The following MRTFB variants were observed in gnomAD, a reference collection of about 807,000 sequenced individuals.
MRTFB encodes myocardin-related transcription factor B.
In MRTFB, 29 loss-of-function variants were observed where a neutral mutation model predicts 104.2. That is an observed-to-expected ratio of 0.28 (90% CI 0.21 to 0.38). The LOEUF (loss-of-function observed/expected upper bound fraction) is 0.38. Among genes scored for constraint, MRTFB ranks in the 10% least tolerant of loss-of-function variants. MRTFB has a pLI of 1.00. For synonymous variants in MRTFB, 535 were observed against 519.5 expected (o/e 1.03, Z -0.41); for missense variants, 1,270 against 1,341.6 (o/e 0.95, Z 0.83).
chr16:14,232,677 G>T (rs192865226), intron 8 of MRTFB, among the ~76,000 whole-genome samples: 1 of 152,164 alleles, frequency 6.6e-6, no homozygotes. Context: ...TTGCACACTC[G>T]CACACCCACG....
At chr16:14,244,635 A>C (rs1054989785) in intron 10 of MRTFB, among the ~76,000 whole-genome samples, 3 of 152,128 alleles carry the variant, frequency 2.0e-5, no homozygotes, top group African/African-American at 7.2e-5. Context: ...GTGATTTGCA[A>C]TTTCCACATA....
intron 3 of MRTFB, among the ~76,000 whole-genome samples, chr16:14,195,254 A>G (rs1006502975): frequency 1.3e-5 from 2 of 152,184 alleles, no homozygotes; most frequent in African/African-American, 4.8e-5. Flanking sequence ...TACCAGAACA[A>G]TTGGCTTTTG....
At chr16:14,073,904 C>T (rs1279285296) in intron 1 of MRTFB, among the ~76,000 whole-genome samples, 1 of 152,178 alleles carries the variant, frequency 6.6e-6, no homozygotes, top group Non-Finnish European at 1.5e-5. Flanking sequence ...TCATTTCAAA[C>T]TTTGCTAGTC....
At chr16:14,084,358 T>A (rs2034580659) in intron 2 of MRTFB, among the ~76,000 whole-genome samples, 1 of 151,974 alleles carries the variant, frequency 6.6e-6, no homozygotes, top group South Asian at 2.1e-4. Context: ...CACAATAACA[T>A]AGTGAAATCC....
the MRTFB span, among the ~76,000 whole-genome samples, chr16:14,023,753 C>A: frequency 6.6e-6 from 1 of 151,748 alleles, no homozygotes; most frequent in Non-Finnish European, 1.5e-5. Flanking sequence ...GCACTTAGAA[C>A]TGTGCCTGGC....
At chr16:14,009,186 T>G in the MRTFB span, 1 of 152,146 alleles carries the variant, frequency 6.6e-6, no homozygotes. Context: ...TGGGCTTGAG[T>G]GATCCTCCTT....
the MRTFB span, among the ~76,000 whole-genome samples, chr16:14,059,752 T>C: frequency 6.6e-6 from 1 of 152,138 alleles, no homozygotes; most frequent in Non-Finnish European, 1.5e-5. Context: ...TGGCACAGCA[T>C]GTGCCTAGAA....
the MRTFB span, among the ~76,000 whole-genome samples, chr16:14,012,299 C>CT: frequency 0.12 from 12,080 of 104,526 alleles, 1,451 homozygotes; most frequent in African/African-American, 0.26. Flanking sequence ...TTCTTTCTTT[C>CT]TTTTTTTTTT....
chr16:14,175,665 G>C (rs945985733), intron 3 of MRTFB, among the ~76,000 whole-genome samples: 5 of 152,136 alleles, frequency 3.3e-5, no homozygotes, highest in African/African-American at 1.2e-4. Context: ...ATAGACAAAT[G>C]TTCATAACAG....
intron 2 of MRTFB, among the ~76,000 whole-genome samples, chr16:14,111,297 A>C (rs1596882769): frequency 6.6e-6 from 1 of 152,184 alleles, no homozygotes; most frequent in African/African-American, 2.4e-5. Context: ...AAACATGCAG[A>C]GATTTTGAGT....
chr16:14,203,101 A>G (rs902136771), intron 3 of MRTFB, among the ~76,000 whole-genome samples: 1 of 152,102 alleles, frequency 6.6e-6, no homozygotes, highest in South Asian at 2.1e-4. Context: ...TTAGTTTTCC[A>G]TCTTCAGAGA....
At chr16:14,204,909 C>T (rs993044272) in intron 3 of MRTFB, among the ~76,000 whole-genome samples, 1 of 152,114 alleles carries the variant, frequency 6.6e-6, no homozygotes, top group Non-Finnish European at 1.5e-5. Context: ...GAAGAATTAA[C>T]TTTATACACA....
chr16:14,076,295 GA>G (rs2034046196), intron 1 of MRTFB, among the ~76,000 whole-genome samples: 1 of 151,970 alleles, frequency 6.6e-6, no homozygotes, highest in Non-Finnish European at 1.5e-5. Flanking sequence ...AGGTTCAAGC[GA>G]TTCTCCTGCC....
At chr16:14,145,769 A>G (rs2038279851) in intron 3 of MRTFB, among the ~76,000 whole-genome samples, 1 of 152,264 alleles carries the variant, frequency 6.6e-6, no homozygotes, top group African/African-American at 2.4e-5. Flanking sequence ...CGTTAGATCC[A>G]TCTTTCTCAC....
chr16:14,167,685 TTTTGTTTTGTTTTTG>T (rs1217942230), intron 3 of MRTFB, among the ~76,000 whole-genome samples: 1 of 152,080 alleles, frequency 6.6e-6, no homozygotes, highest in East Asian at 1.9e-4. Context: ...TTGTTTTTTG[TTTTGTTTTGTTTTTG>T]TTTGTTTTTG....
intron 2 of MRTFB, among the ~76,000 whole-genome samples, chr16:14,123,623 G>C (rs749946060): frequency 1.1e-4 from 16 of 152,196 alleles, no homozygotes; most frequent in Admixed American, 5.9e-4. Context: ...TGTTCCATTG[G>C]TCTATATATC....
At chr16:14,083,722 G>C (rs1210294946) in intron 2 of MRTFB, among the ~76,000 whole-genome samples, 3 of 152,158 alleles carry the variant, frequency 2.0e-5, no homozygotes, top group Non-Finnish European at 4.4e-5. Context: ...GCTATAACCA[G>C]GTACCGTAAT....
At chr16:14,233,007 A>C (rs1001953945) in intron 8 of MRTFB, among the ~76,000 whole-genome samples, 1 of 152,226 alleles carries the variant, frequency 6.6e-6, no homozygotes, top group South Asian at 2.1e-4. Context: ...GTAGTAATCA[A>C]TATGCAAATT....
At chr16:14,248,830 A>G (rs2043132943) in intron 12 of MRTFB, 96 bp from the exon 13 acceptor site, 1 of 1,325,644 alleles carries the variant, frequency 7.5e-7, no homozygotes, top group Non-Finnish European at 1.0e-6. Context: ...TCATTTAGAT[A>G]CAATCCCCAA....
Sources: gnomAD v4.1 joint callset for allele counts (sites outside exome capture counted in the v4.1 genomes callset) on GRCh38, gnomAD v4.1.1 for gene constraint, MANE v1.5 for transcripts, NCBI Gene and HGNC (gene_info 2026-07-23, HGNC 2026-07-21) for gene names.